SUSD4: variants seen among roughly 807,000 people sequenced by gnomAD.
SUSD4 encodes the protein sushi domain containing 4.
SUSD4 carries 41 observed loss-of-function variants against 50.5 expected under a neutral mutation model. The observed-to-expected ratio is 0.81, with a 90% CI of 0.63 to 1.05. The LOEUF is 1.05. Ranked by LOEUF, SUSD4 falls within the 50% of genes least tolerant of loss-of-function variation. The pLI, the probability that SUSD4 is intolerant of heterozygous loss-of-function variation, is 0.00. For synonymous variants in SUSD4, 257 were observed against 257.3 expected (o/e 1.00, Z 0.01); for missense variants, 580 against 634.7 (o/e 0.91, Z 0.93).
intron 2 of SUSD4, among the ~76,000 whole-genome samples, chr1:223,316,234 C>T (rs1360503938): frequency 6.6e-6 from 1 of 152,136 alleles, no homozygotes; most frequent in Non-Finnish European, 1.5e-5. Context: ...TGGAGAGAAA[C>T]TTCATTGGTG....
At chr1:223,334,233 TC>T (rs745522564) in intron 2 of SUSD4, among the ~76,000 whole-genome samples, 19 of 152,090 alleles carry the variant, frequency 1.2e-4, no homozygotes, top group Non-Finnish European at 1.5e-4. Flanking sequence ...GAGTTCCTTA[TC>T]ATTAAAATAT....
chr1:223,326,382 C>A (rs1355351569), intron 2 of SUSD4, among the ~76,000 whole-genome samples: 1 of 151,952 alleles, frequency 6.6e-6, no homozygotes, highest in African/African-American at 2.4e-5. Context: ...AGACCTGAAA[C>A]CATAAAAATT....
chr1:223,258,882 A>G (rs1356257141), intron 5 of SUSD4, among the ~76,000 whole-genome samples: 2 of 152,146 alleles, frequency 1.3e-5, no homozygotes, highest in African/African-American at 4.8e-5. Context: ...AACCCCACAC[A>G]GCAAAGAGTG....
At chr1:223,344,110 T>A (rs1280554947) in intron 2 of SUSD4, among the ~76,000 whole-genome samples, 2 of 152,206 alleles carry the variant, frequency 1.3e-5, no homozygotes, top group African/African-American at 4.8e-5. Context: ...CAGAAACCTG[T>A]CTATGCTTAG....
intron 2 of SUSD4, among the ~76,000 whole-genome samples, chr1:223,343,890 T>C (rs2103307532): frequency 6.6e-6 from 1 of 152,304 alleles, no homozygotes; most frequent in East Asian, 1.9e-4. Flanking sequence ...CTTCCAGCTT[T>C]ATTTCCACCA....
chr1:223,252,219 TAAAAAA>T (rs68004270), intron 5 of SUSD4, among the ~76,000 whole-genome samples: 1 of 129,086 alleles, frequency 7.7e-6, no homozygotes, highest in Non-Finnish European at 1.6e-5. Context: ...AAAGTATAAT[TAAAAAA>T]AAAAAAAAAA....
At chr1:223,296,466 A>G (rs936426738) in intron 2 of SUSD4, among the ~76,000 whole-genome samples, 2 of 152,174 alleles carry the variant, frequency 1.3e-5, no homozygotes, top group Non-Finnish European at 2.9e-5. Flanking sequence ...CATCAGCTGG[A>G]GCATGAGCCA....
chr1:223,298,920 A>G (rs1490638390), intron 2 of SUSD4, among the ~76,000 whole-genome samples: 2 of 152,214 alleles, frequency 1.3e-5, no homozygotes, highest in African/African-American at 2.4e-5. Flanking sequence ...AGCATTGAGG[A>G]TCAGGAATGC....
chr1:223,229,167 C>T lies in SUSD4; in HGVS notation c.916+30G>A, dbSNP rs371714134. 2.5e-5 allele frequency: 40 copies of T among 1,574,656 alleles called. No individual in the cohort carries two copies. Among genetic ancestry groups the T allele is most frequent in the Non-Finnish European group, 3.2e-5 (37 of 1,150,656 alleles). On this transcript the variant is annotated intron_variant, in intron 6 of 8. Transcript: ENST00000366878. The surrounding 1 kb of genome is among the most constrained non-coding windows in gnomAD (Gnocchi z 4.7). ...TGCAGATGGTCCAAGGAGGGTCCAT[C>T]TCCTCCAAGGGTGAGGCCTTCAGTC...
intron 2 of SUSD4, among the ~76,000 whole-genome samples, chr1:223,323,390 C>G (rs1349409332): frequency 1.3e-5 from 2 of 152,118 alleles, no homozygotes; most frequent in Non-Finnish European, 2.9e-5. Flanking sequence ...TGAGATGTCC[C>G]CAGTAGACAG....
At chr1:223,324,910 C>T (rs77901468) in intron 2 of SUSD4, among the ~76,000 whole-genome samples, 27,630 of 151,906 alleles carry the variant, frequency 0.18, 3,055 homozygotes, top group Non-Finnish European at 0.26. Flanking sequence ...ACTCACATTT[C>T]CCCCACCTCC....
In SUSD4 at chr1:223,293,304, T is replaced by A. The variant is rs1414629110; in HGVS notation, c.149-653A>T. On this transcript the variant is annotated intron_variant, in intron 2 of 8. Coordinates refer to ENST00000366878, the MANE Select transcript of SUSD4 (RefSeq NM_017982.4). Reference sequence around the variant, plus strand: ...CCTCCACCCGGCTGCCTTTCTTAATTTCACTCTCCGCCTGCCTCATCCCTA... The same window carrying A: ...CCTCCACCCGGCTGCCTTTCTTAATATCACTCTCCGCCTGCCTCATCCCTA... Among the ~76,000 whole-genome samples, 4 of 152,128 alleles carry A rather than the reference T, an allele frequency of 2.6e-5. No individual in the cohort carries two copies. In the East Asian group the frequency reaches 7.7e-4, roughly 29 times the overall value.
At position 223,223,424 on chromosome 1, in the gene SUSD4, G is replaced by GA; in HGVS notation, c.1268_1269insT (p.Gly425ArgfsTer7). On this transcript the variant is annotated frameshift_variant, in exon 8 of 9. Transcript: ENST00000366878. LOFTEE classifies it high-confidence loss of function. ...TGTCACAGGTTTCTGACTCCCCTGGGCCTGTGTCCGTGTCCCCTGAGCCGG... is the reference window on the plus strand; with the variant it reads ...TGTCACAGGTTTCTGACTCCCCTGGGACCTGTGTCCGTGTCCCCTGAGCCGG... 6.2e-7 allele frequency: 1 copy of GA among 1,613,974 alleles called. No homozygotes were observed. The highest frequency in any genetic ancestry group is 8.5e-7 in the Non-Finnish European group (1 of 1,179,922).
intron 2 of SUSD4, among the ~76,000 whole-genome samples, chr1:223,316,809 C>T (rs1218573242): frequency 6.6e-6 from 1 of 152,130 alleles, no homozygotes; most frequent in African/African-American, 2.4e-5. Flanking sequence ...GTCTGTCTGG[C>T]CCCCTCCGCC....
At chr1:223,327,420 A>C (rs1391307375) in intron 2 of SUSD4, among the ~76,000 whole-genome samples, 1 of 152,254 alleles carries the variant, frequency 6.6e-6, no homozygotes, top group Non-Finnish European at 1.5e-5. Flanking sequence ...CTAAAATATC[A>C]GAATTCACCA....
At chr1:223,260,175 G>T (rs924884274) in intron 5 of SUSD4, among the ~76,000 whole-genome samples, 1 of 152,214 alleles carries the variant, frequency 6.6e-6, no homozygotes, top group Admixed American at 6.5e-5. Flanking sequence ...TGTGTGTGTA[G>T]TGGCTGCCAT....
At chr1:223,350,506 C>T (rs182438257) in intron 2 of SUSD4, among the ~76,000 whole-genome samples, 1 of 152,234 alleles carries the variant, frequency 6.6e-6, no homozygotes, top group Admixed American at 6.5e-5. Flanking sequence ...CAAGGCCAGA[C>T]ATCAATCCTC....
intron 2 of SUSD4, among the ~76,000 whole-genome samples, chr1:223,324,114 C>G (rs970683022): frequency 1.3e-5 from 2 of 148,718 alleles, no homozygotes; most frequent in Admixed American, 6.8e-5. Flanking sequence ...TTCAACTTTC[C>G]TCCATCCCTC....
rs1667231346 is a variant in SUSD4, at chr1:223,332,523, T to A, written c.148+30755A>T. Among the ~76,000 whole-genome samples the A allele has an allele frequency of 6.6e-6, 1 of 152,224 alleles. No homozygotes were observed. The highest frequency in any genetic ancestry group is 1.5e-5 in the Non-Finnish European group (1 of 68,042). Reference sequence around the variant, plus strand: ...ATTGCACAGAGATATATAAAGTTTCTTAGGATCTGTCCATTTAAACTAGAA... The same window carrying A: ...ATTGCACAGAGATATATAAAGTTTCATAGGATCTGTCCATTTAAACTAGAA... On this transcript the variant is annotated intron_variant, in intron 2 of 8. Coordinates refer to ENST00000366878, the MANE Select transcript of SUSD4 (RefSeq NM_017982.4). This position sits in a 1 kb window ranked among gnomAD's most constrained non-coding sequence, Gnocchi z 4.0.
Sources: gnomAD v4.1 joint callset for allele counts (sites outside exome capture counted in the v4.1 genomes callset) on GRCh38, gnomAD v4.1.1 for gene constraint, Gnocchi (gnomAD v3.1) non-coding constraint, MANE v1.5 for transcripts, NCBI Gene and HGNC (gene_info 2026-07-23, HGNC 2026-07-21) for gene names.